The following AATF variants were observed in gnomAD, a reference collection of about 807,000 sequenced individuals.
AATF encodes apoptosis antagonizing transcription factor, also known as protein AATF.
AATF carries 48 observed loss-of-function variants against 63.7 expected under a neutral mutation model. The observed-to-expected ratio is 0.75, with a 90% CI of 0.60 to 0.96. The LOEUF (loss-of-function observed/expected upper bound fraction) is 0.96. Ranked by LOEUF, AATF falls within the 40% of genes least tolerant of loss-of-function variation. The pLI is 0.00. For missense variants in AATF, 639 were observed against 685.7 expected, an observed-to-expected ratio of 0.93 and a Z score of 0.76; for synonymous variants, 258 against 247.7, an observed-to-expected ratio of 1.04 and a Z score of -0.39.
intron 6 of AATF, 105 bp downstream of exon 6, chr17:36,988,825 T>C (rs1477974390): frequency 4.5e-6 from 5 of 1,098,976 alleles, no homozygotes; most frequent in East Asian, 2.6e-5. Context: ...GTTGTCACGA[T>C]GTAATGGTAA....
chr17:36,975,783 G>A (rs937518928), intron 4 of AATF, among the ~76,000 whole-genome samples: 2 of 152,112 alleles, frequency 1.3e-5, no homozygotes, highest in South Asian at 4.1e-4. Flanking sequence ...AGTTGTGTAC[G>A]CAGAGTGCCC....
intron 11 of AATF, among the ~76,000 whole-genome samples, chr17:37,035,304 C>T (rs2071582968): frequency 6.6e-6 from 1 of 151,432 alleles, no homozygotes; most frequent in Non-Finnish European, 1.5e-5. Context: ...CTGCAACCTC[C>T]GCCTCCTGGG....
chr17:36,977,031 A>G (rs1228446808), intron 4 of AATF, among the ~76,000 whole-genome samples: 1 of 152,202 alleles, frequency 6.6e-6, no homozygotes, highest in African/African-American at 2.4e-5. Flanking sequence ...TTGTTTGACT[A>G]CTTGCTTAAC....
At chr17:36,959,429 C>T (rs975393755) in intron 4 of AATF, among the ~76,000 whole-genome samples, 2 of 152,104 alleles carry the variant, frequency 1.3e-5, no homozygotes, top group East Asian at 1.9e-4. Context: ...GGTGACAGAG[C>T]GAGAGTCTGT....
At chr17:36,989,968 C>T (rs1011481016) in intron 7 of AATF, among the ~76,000 whole-genome samples, 3 of 127,160 alleles carry the variant, frequency 2.4e-5, no homozygotes, top group African/African-American at 7.8e-5. Flanking sequence ...TGCCTGTTAA[C>T]GTAACTCCTG....
At chr17:36,960,836 G>A (rs1165904212) in intron 4 of AATF, among the ~76,000 whole-genome samples, 1 of 152,168 alleles carries the variant, frequency 6.6e-6, no homozygotes, top group Non-Finnish European at 1.5e-5. Flanking sequence ...GAGTAAGATT[G>A]ATCTTTTTGC....
chr17:37,031,058 T>A (rs1330263377), intron 10 of AATF, among the ~76,000 whole-genome samples: 1 of 152,202 alleles, frequency 6.6e-6, no homozygotes, highest in Non-Finnish European at 1.5e-5. Flanking sequence ...TATACTGTTA[T>A]CAGACTTTTC....
Position 36,989,266 on chromosome 17 carries a change from G to T in AATF, c.1169G>T (p.Arg390Leu). 1.2e-6 allele frequency: 2 copies of T among 1,611,742 alleles called. No homozygotes were observed. Among genetic ancestry groups the T allele is most frequent in the Non-Finnish European group, 1.7e-6 (2 of 1,178,626 alleles). Residue 390 changes from arginine to leucine, a missense_variant, in exon 7 of 12, where the codon CGC becomes CTC. By Grantham distance (102) the Arg-to-Leu change is moderately radical. Coordinates refer to ENST00000619387, the MANE Select transcript of AATF (RefSeq NM_012138.4). ...KLGKGFGAFE[R>L]SILTQIDHIL... is the part of the protein sequence containing the mutation. ...TTGCAGGGTTTTGGTGCCTTTGAAC[G>T]CTCAATCTTGACTCAGATCGACCAT...
chr17:36,978,850 C>T (rs1248925992), intron 4 of AATF, among the ~76,000 whole-genome samples: 1 of 151,728 alleles, frequency 6.6e-6, no homozygotes, highest in Admixed American at 6.6e-5. Context: ...GTAATACTGA[C>T]AGAATTCGGA....
At chr17:37,021,194 A>G (rs2071467462) in intron 10 of AATF, 180 bp downstream of exon 10, 2 of 499,300 alleles carry the variant, frequency 4.0e-6, no homozygotes, top group East Asian at 6.6e-5. Flanking sequence ...ATGGAAATAT[A>G]GTTTCATTGA....
intron 8 of AATF, among the ~76,000 whole-genome samples, chr17:37,002,337 A>G (rs1384945628): frequency 6.6e-6 from 1 of 152,130 alleles, no homozygotes; most frequent in Non-Finnish European, 1.5e-5. Flanking sequence ...CCAGCAATGA[A>G]TGACCTCAAA....
intron 8 of AATF, among the ~76,000 whole-genome samples, chr17:36,995,754 G>T (rs2071250094): frequency 6.6e-6 from 1 of 151,950 alleles, no homozygotes; most frequent in Non-Finnish European, 1.5e-5. Context: ...TTTTTGTAGA[G>T]ACGGGGTTTT....
At chr17:36,983,262 T>C (rs369926184) in intron 4 of AATF, among the ~76,000 whole-genome samples, 8 of 152,096 alleles carry the variant, frequency 5.3e-5, no homozygotes, top group African/African-American at 9.7e-5. Flanking sequence ...GGGCTGGTCT[T>C]GAACTCCTGG....
At position 36,949,073 on chromosome 17, in the gene AATF, G is replaced by A. The variant is rs2070830172; in HGVS notation, c.-53G>A. ...CAGGGAAGGAGCTTCGGGGCCGGGG[G>A]TTGGGCCGCACATTTACGTGCGCGA... is the stretch of plus-strand genomic sequence containing the variant. On this transcript the variant is annotated 5_prime_UTR_variant, in exon 1 of 12. Transcript: ENST00000619387. 6.8e-7 allele frequency: 1 copy of A among 1,460,162 alleles called. No homozygotes were observed. Among genetic ancestry groups the A allele is most frequent in the Non-Finnish European group, 9.3e-7 (1 of 1,069,636 alleles). 90.5% of individuals were successfully genotyped at this position (1,460,162 alleles called of 1,614,324 possible). A position where few individuals can be genotyped will look rare whatever the true frequency, so the allele number is the denominator to read the frequency against.
At chr17:37,008,739 G>T (rs2071360454) in intron 8 of AATF, among the ~76,000 whole-genome samples, 1 of 152,126 alleles carries the variant, frequency 6.6e-6, no homozygotes, top group African/African-American at 2.4e-5. Flanking sequence ...CATGCCTGTA[G>T]TCCCAGCTGC....
At chr17:37,044,485 T>TA (rs1351944501) in intron 11 of AATF, among the ~76,000 whole-genome samples, 1 of 152,190 alleles carries the variant, frequency 6.6e-6, no homozygotes, top group Non-Finnish European at 1.5e-5. Flanking sequence ...AGAACACTCT[T>TA]ACATGTCCAT....
intron 4 of AATF, among the ~76,000 whole-genome samples, chr17:36,962,451 G>A (rs1465009056): frequency 4.6e-5 from 7 of 152,148 alleles, no homozygotes; most frequent in Non-Finnish European, 1.0e-4. Flanking sequence ...TCACAGACCT[G>A]TGTGAGCTAA....
intron 4 of AATF, among the ~76,000 whole-genome samples, chr17:36,964,807 A>G (rs1016657712): frequency 3.4e-5 from 5 of 148,484 alleles, no homozygotes; most frequent in African/African-American, 1.2e-4. Flanking sequence ...TTTTTCCTAA[A>G]CTTTACATCA....
At chr17:36,971,952 AT>A (rs892484771) in intron 4 of AATF, among the ~76,000 whole-genome samples, 1 of 152,018 alleles carries the variant, frequency 6.6e-6, no homozygotes, top group African/African-American at 2.4e-5. Context: ...ATGAGTTTCT[AT>A]TTTCCTCTCC....
Sources: gnomAD v4.1 joint callset for allele counts (sites outside exome capture counted in the v4.1 genomes callset) on GRCh38, gnomAD v4.1.1 for gene constraint, MANE v1.5 for transcripts, NCBI Gene and HGNC (gene_info 2026-07-23, HGNC 2026-07-21) for gene names.